Variants in CADM2 observed in about 807,000 individuals in gnomAD.
The protein encoded by CADM2 is cell adhesion molecule 2.
In CADM2, 12 loss-of-function variants were observed where a neutral mutation model predicts 49.8. The observed-to-expected ratio is 0.24, with a 90% confidence interval of 0.15 to 0.39. CADM2 has a LOEUF of 0.39. Ranked by LOEUF, CADM2 falls within the 10% of genes least tolerant of loss-of-function variation. The pLI, the probability that CADM2 is intolerant of heterozygous loss-of-function variation, is 1.00. For synonymous variants in CADM2, 214 were observed against 175.4 expected (o/e 1.22, Z -1.74); for missense variants, 378 against 492.3 (o/e 0.77, Z 2.20).
At chr3:85,540,125 G>A (rs6766493) in intron 1 of CADM2, among the ~76,000 whole-genome samples, 77,883 of 151,850 alleles carry the variant, frequency 0.51, 23,048 homozygotes, top group East Asian at 0.85. Flanking sequence ...ATATTATCAT[G>A]TTATTCATGT....
chr3:85,461,701 A>G (rs77354278), intron 1 of CADM2, among the ~76,000 whole-genome samples: 2,968 of 152,204 alleles, frequency 0.02, 138 homozygotes, highest in South Asian at 0.11. Flanking sequence ...ATTCTAATCC[A>G]TTCTATTTGA....
At chr3:84,988,305 C>A (rs2032697773) in intron 1 of CADM2, among the ~76,000 whole-genome samples, 1 of 152,204 alleles carries the variant, frequency 6.6e-6, no homozygotes, top group African/African-American at 2.4e-5. Context: ...CTTCTATTTC[C>A]TTTTCCTTTG....
At chr3:85,603,135 TC>T (rs1055054164) in intron 1 of CADM2, among the ~76,000 whole-genome samples, 7 of 151,882 alleles carry the variant, frequency 4.6e-5, no homozygotes, top group Admixed American at 4.0e-4. Context: ...ATGTTTGTAT[TC>T]TTAGCACCTA....
At chr3:85,105,793 A>G (rs1315141307) in intron 1 of CADM2, among the ~76,000 whole-genome samples, 2 of 152,186 alleles carry the variant, frequency 1.3e-5, no homozygotes, top group African/African-American at 4.8e-5. Flanking sequence ...TGTCCTTTGT[A>G]GGGACATGGA....
At chr3:85,115,890 C>T (rs987143663) in intron 1 of CADM2, among the ~76,000 whole-genome samples, 2 of 152,092 alleles carry the variant, frequency 1.3e-5, no homozygotes, top group African/African-American at 4.8e-5. Flanking sequence ...GCCTCTTGTA[C>T]GCATCTTTGA....
chr3:85,835,742 A>G (rs866411547), intron 3 of CADM2, among the ~76,000 whole-genome samples: 1 of 138,012 alleles, frequency 7.2e-6, no homozygotes, highest in Non-Finnish European at 1.6e-5. Context: ...ATATCTTGCT[A>G]TATGTATATA....
intron 5 of CADM2, among the ~76,000 whole-genome samples, chr3:85,896,190 G>A (rs1715193061): frequency 6.6e-6 from 1 of 152,110 alleles, no homozygotes; most frequent in Non-Finnish European, 1.5e-5. Context: ...GGAGGCTGAG[G>A]TTGGAAGATC....
intron 7 of CADM2, among the ~76,000 whole-genome samples, chr3:85,948,343 G>T (rs1053712624): frequency 4.0e-5 from 6 of 151,108 alleles, no homozygotes; most frequent in South Asian, 4.1e-4. Flanking sequence ...TTCGTAACAT[G>T]TATCATAAAT....
At chr3:84,992,115 C>T (rs2032925247) in intron 1 of CADM2, among the ~76,000 whole-genome samples, 1 of 152,110 alleles carries the variant, frequency 6.6e-6, no homozygotes, top group African/African-American at 2.4e-5. Context: ...GCAAGTACAA[C>T]ACCAAGAGTG....
rs1232890955 is a variant in CADM2 at position 86,027,708 on chromosome 3, CTT to C, written c.971-37895_971-37894del. Among the ~76,000 whole-genome samples the C allele has an allele frequency of 5.9e-5, 9 of 152,092 alleles. 1 individual carries two copies. The highest frequency in any genetic ancestry group is 2.2e-4 in the African/African-American group (9 of 41,516). ...ATTAAATGTAGAATAGAAATATAAACTTTGAAAAATATGTAATAATAATTTTT... is the reference window on the plus strand; with the variant it reads ...ATTAAATGTAGAATAGAAATATAAACTGAAAAATATGTAATAATAATTTTT... On this transcript the variant is annotated intron_variant, in intron 8 of 9. Transcript: ENST00000383699.
At chr3:85,696,117 GT>G (rs909803197) in intron 1 of CADM2, among the ~76,000 whole-genome samples, 1 of 151,748 alleles carries the variant, frequency 6.6e-6, no homozygotes, top group East Asian at 1.9e-4. Context: ...GAATTATTTG[GT>G]TTTTTCTCAC....
chr3:85,626,584 T>C (rs564515440), intron 1 of CADM2, among the ~76,000 whole-genome samples: 1 of 152,164 alleles, frequency 6.6e-6, no homozygotes, highest in East Asian at 1.9e-4. Flanking sequence ...CCTAAAAATA[T>C]TATCAACAAA....
chr3:85,871,592 G>A (rs1466066085), intron 3 of CADM2, among the ~76,000 whole-genome samples: 1 of 152,112 alleles, frequency 6.6e-6, no homozygotes. Context: ...AATAATGCTA[G>A]TGTAAGTCTC....
chr3:85,833,844 T>C (rs1486890061), intron 3 of CADM2, among the ~76,000 whole-genome samples: 3 of 151,688 alleles, frequency 2.0e-5, no homozygotes. Context: ...TTTGGCTCTT[T>C]GGAGTCTTTT....
At chr3:85,290,290 G>A (rs963543465) in intron 1 of CADM2, among the ~76,000 whole-genome samples, 1 of 152,130 alleles carries the variant, frequency 6.6e-6, no homozygotes, top group Non-Finnish European at 1.5e-5. Flanking sequence ...AGGGTCCTAC[G>A]CCCACGGAAT....
At chr3:85,514,241 G>A (rs919195381) in intron 1 of CADM2, among the ~76,000 whole-genome samples, 10 of 151,996 alleles carry the variant, frequency 6.6e-5, no homozygotes, top group Non-Finnish European at 1.5e-4. Context: ...TACACAAAGA[G>A]TTGTAATGAG....
intron 1 of CADM2, among the ~76,000 whole-genome samples, chr3:85,592,747 C>A (rs750923841): frequency 2.0e-5 from 3 of 151,772 alleles, no homozygotes; most frequent in African/African-American, 4.8e-5. Flanking sequence ...GGTACATGTG[C>A]AGAACGTGCA....
At chr3:85,272,351 T>A (rs1267727647) in intron 1 of CADM2, among the ~76,000 whole-genome samples, 3 of 151,252 alleles carry the variant, frequency 2.0e-5, no homozygotes, top group Non-Finnish European at 3.0e-5. Context: ...TGTACCACAT[T>A]TTCTTGATGA....
chr3:85,644,577 G>T (rs1044390636), intron 1 of CADM2, among the ~76,000 whole-genome samples: 4 of 152,076 alleles, frequency 2.6e-5, no homozygotes, highest in African/African-American at 9.7e-5. Context: ...CAGCAGCAAC[G>T]TTCCAAACCA....
Sources: allele counts gnomAD v4.1 joint callset (sites outside exome capture counted in the v4.1 genomes callset), GRCh38; gene constraint gnomAD v4.1.1; transcripts MANE v1.5; gene names NCBI Gene and HGNC (gene_info 2026-07-23, HGNC 2026-07-21).